The following UBE2K variants were observed in gnomAD, a reference collection of about 807,000 sequenced individuals.
UBE2K encodes the protein ubiquitin conjugating enzyme E2 K, also known as ubiquitin-conjugating enzyme E2 K.
A neutral mutation model predicts 30.0 loss-of-function variants in UBE2K; 6 were observed. That is an observed-to-expected ratio of 0.20 (90% CI 0.11 to 0.39). The LOEUF (loss-of-function observed/expected upper bound fraction) is 0.39, where lower values mean the gene tolerates loss of function less well. UBE2K is among the 10% of genes least tolerant of loss of function. The pLI is 1.00. For missense variants in UBE2K, 61 were observed against 241.6 expected (o/e 0.25, Z 4.96); for synonymous variants, 86 against 83.7 (o/e 1.03, Z -0.15).
intron 1 of UBE2K, among the ~76,000 whole-genome samples, chr4:39,727,661 A>G (rs1212271311): frequency 2.0e-5 from 3 of 152,114 alleles, no homozygotes; most frequent in East Asian, 1.9e-4. Context: ...CCACCACCCA[A>G]AGAGCTGGGA....
rs1212299556 is a variant in UBE2K at position 39,772,690 on chromosome 4, A to G, written c.300-2144A>G. 2.2e-5 allele frequency among the ~76,000 whole-genome samples: 3 copies of G among 139,042 alleles called. No individual in the cohort carries two copies. The East Asian group carries it at 6.2e-4, about 29-fold the overall frequency. The allele number at this position is 139,042 out of a possible 152,430, so 91.2% of individuals were successfully genotyped here. ...CATACCTCTATTAATTGATAAAGCA[A>G]CTTTTTTTTTTTTTTGAGATGGAGT... On this transcript the variant is annotated intron_variant, in intron 4 of 6. Transcript: ENST00000261427.
chr4:39,766,398 T>TC (rs1712341700), intron 4 of UBE2K, among the ~76,000 whole-genome samples: 1 of 152,192 alleles, frequency 6.6e-6, no homozygotes, highest in African/African-American at 2.4e-5. Flanking sequence ...TTGAGCATCT[T>TC]TTTATGTGTT....
intron 3 of UBE2K, among the ~76,000 whole-genome samples, chr4:39,747,652 T>C (rs1295886089): frequency 6.6e-6 from 1 of 152,182 alleles, no homozygotes; most frequent in Admixed American, 6.6e-5. Context: ...AGTCTTGCTC[T>C]GTCTCCCAGG....
chr4:39,772,923 G>A (rs900041880), intron 4 of UBE2K, among the ~76,000 whole-genome samples: 1 of 151,776 alleles, frequency 6.6e-6, no homozygotes, highest in Non-Finnish European at 1.5e-5. Context: ...CCTGACCTCA[G>A]ATGATTGCCC....
intron 3 of UBE2K, among the ~76,000 whole-genome samples, chr4:39,755,231 C>A (rs1721467066): frequency 6.6e-6 from 1 of 152,170 alleles, no homozygotes; most frequent in South Asian, 2.1e-4. Context: ...TTTGTGCTTC[C>A]ATTCACTGGT....
intron 1 of UBE2K, among the ~76,000 whole-genome samples, chr4:39,719,664 T>A (rs554927938): frequency 6.6e-6 from 1 of 152,318 alleles, no homozygotes; most frequent in Admixed American, 6.5e-5. Context: ...TGCTTTTAGG[T>A]TTCTTTGTTT....
At chr4:39,752,321 TTTTCTTTTTTTTTC>T (rs571757793) in intron 3 of UBE2K, among the ~76,000 whole-genome samples, 7,230 of 120,620 alleles carry the variant, frequency 0.06, 428 homozygotes, top group East Asian at 0.12. Flanking sequence ...ATTTTTTTTT[TTTTCTTTTTTTTTC>T]TTTTTTTTTT....
intron 1 of UBE2K, among the ~76,000 whole-genome samples, chr4:39,733,523 G>A (rs1292328799): frequency 1.3e-5 from 2 of 151,814 alleles, no homozygotes; most frequent in African/African-American, 2.4e-5. Context: ...AGTAGAGATG[G>A]GGTTTCACCA....
chr4:39,729,422 T>C (rs1282976433), intron 1 of UBE2K, among the ~76,000 whole-genome samples: 7 of 152,172 alleles, frequency 4.6e-5, no homozygotes, highest in Non-Finnish European at 8.8e-5. Context: ...CCCTGACTTC[T>C]CAATTCTTTG....
chr4:39,720,713 G>GA (rs759136349), intron 1 of UBE2K, among the ~76,000 whole-genome samples: 12 of 152,040 alleles, frequency 7.9e-5, no homozygotes, highest in Non-Finnish European at 1.6e-4. Context: ...ATGAATAATG[G>GA]AAAAACATTT....
rs776330001 is a variant in UBE2K, at chr4:39,771,143, C to G, written c.300-3691C>G. ...GTGGCTGTAAGATAGTTGACGATGT[C>G]CCTAACAGCGAATTCCAGGGTGCCC... On this transcript the variant is annotated intron_variant, in intron 4 of 6. Coordinates refer to ENST00000261427, the MANE Select transcript of UBE2K (RefSeq NM_005339.5). The G allele has an allele frequency of 1.7e-5, 27 of 1,612,568 alleles. 1 individual carries two copies. Among genetic ancestry groups the G allele is most frequent in the African/African-American group, 2.7e-5 (2 of 74,912 alleles).
At chr4:39,760,749 T>C (rs1711878832) in intron 4 of UBE2K, among the ~76,000 whole-genome samples, 1 of 151,806 alleles carries the variant, frequency 6.6e-6, no homozygotes, top group South Asian at 2.1e-4. Flanking sequence ...TACAAAAAAT[T>C]AGCTACAGCG....
chr4:39,714,550 A>ATATATATATATATATATATATTTT, intron 1 of UBE2K: 1 of 17,854 alleles, frequency 5.6e-5, no homozygotes, highest in Non-Finnish European at 8.7e-5. Context: ...ATATATATAT[A>ATATATATATATATATATATATTTT]TTTTTTTTTT....
intron 1 of UBE2K, among the ~76,000 whole-genome samples, chr4:39,709,195 G>A (rs1366484594): frequency 6.6e-6 from 1 of 151,902 alleles, no homozygotes; most frequent in Admixed American, 6.6e-5. Context: ...TTCAGTAAAC[G>A]GATAGCTGTT....
chr4:39,718,601 G>C (rs1426468756), intron 1 of UBE2K, among the ~76,000 whole-genome samples: 1 of 152,246 alleles, frequency 6.6e-6, no homozygotes, highest in African/African-American at 2.4e-5. Context: ...ACGGCAGGGG[G>C]GCAGGACTCA....
At position 39,779,789 on chromosome 4, in the gene UBE2K, A is replaced by G. The variant is rs534279581; in HGVS notation, c.*1355A>G. 1 of 152,342 alleles carries G rather than the reference A, an allele frequency of 6.6e-6. No homozygotes were observed. Among genetic ancestry groups the G allele is most frequent in the South Asian group, 2.1e-4 (1 of 4,830 alleles). The allele number at this position is 152,342 out of a possible 1,614,324, so 9.4% of individuals were successfully genotyped here. On this transcript the variant is annotated 3_prime_UTR_variant, in exon 7 of 7. Coordinates refer to ENST00000261427, the MANE Select transcript of UBE2K (RefSeq NM_005339.5). ...TTTTTAGGACCAATACAAAATAACA[A>G]AAATGTAATGGAATCAGACTGAATT...
chr4:39,760,205 A>G (rs1240500183), intron 4 of UBE2K, among the ~76,000 whole-genome samples: 1 of 151,440 alleles, frequency 6.6e-6, no homozygotes, highest in Non-Finnish European at 1.5e-5. Context: ...GAAAAAAAAA[A>G]AAAAACAAAT....
intron 1 of UBE2K, among the ~76,000 whole-genome samples, chr4:39,727,427 T>A (rs1290259700): frequency 2.0e-5 from 3 of 152,150 alleles, no homozygotes; most frequent in Non-Finnish European, 4.4e-5. Context: ...AGTGGTAAGA[T>A]CACGGCTCTC....
In UBE2K at chr4:39,781,113, T is replaced by C. The variant is rs1713585158; in HGVS notation, c.*2679T>C. Reference sequence around the variant, plus strand: ...CAGTACTGATGAATGAATGAATGAATGAATGGCAGTTAGTGGACCCAAATA... The same window carrying C: ...CAGTACTGATGAATGAATGAATGAACGAATGGCAGTTAGTGGACCCAAATA... On this transcript the variant is annotated 3_prime_UTR_variant, in exon 7 of 7. Transcript: ENST00000261427. 6.6e-6 allele frequency: 1 copy of C among 152,126 alleles called. No individual in the cohort carries two copies. The highest frequency in any genetic ancestry group is 1.5e-5 in the Non-Finnish European group (1 of 67,976). The allele number at this position is 152,126 out of a possible 1,614,324, so 9.4% of individuals were successfully genotyped here.
Sources: allele counts gnomAD v4.1 joint callset (sites outside exome capture counted in the v4.1 genomes callset), GRCh38; gene constraint gnomAD v4.1.1; transcripts MANE v1.5; gene names NCBI Gene and HGNC (gene_info 2026-07-23, HGNC 2026-07-21).